Variants in LARP4 observed in about 807,000 individuals in gnomAD.
LARP4 encodes the protein la-related protein 4.
In LARP4, 29 loss-of-function variants were observed where a neutral mutation model predicts 92.9. That is an observed-to-expected ratio of 0.31 (90% CI 0.23 to 0.43). The LOEUF (loss-of-function observed/expected upper bound fraction) is 0.43. Ranked by LOEUF, LARP4 falls within the 20% of genes least tolerant of loss-of-function variation. LARP4 has a pLI of 1.00. For missense variants in LARP4, 732 were observed against 860.0 expected, an observed-to-expected ratio of 0.85 and a Z score of 1.86; for synonymous variants, 279 against 284.1, an observed-to-expected ratio of 0.98 and a Z score of 0.18.
chr12:50,449,995 A>G (rs1314145227), intron 8 of LARP4, among the ~76,000 whole-genome samples: 1 of 123,118 alleles, frequency 8.1e-6, no homozygotes, highest in Non-Finnish European at 1.6e-5. Context: ...GTGCAGTGGC[A>G]CGATCTCAGC....
chr12:50,463,424 A>C (rs1363238207), intron 12 of LARP4, among the ~76,000 whole-genome samples: 2 of 144,860 alleles, frequency 1.4e-5, no homozygotes, highest in Admixed American at 6.9e-5. Flanking sequence ...TCTCTCCAAA[A>C]AAAAAAAAAA....
intron 1 of LARP4, chr12:50,402,747 A>T (rs751269942): frequency 2.2e-6 from 1 of 454,866 alleles, no homozygotes; most frequent in African/African-American, 2.0e-5. Flanking sequence ...TGGGATTTAG[A>T]TCCAGGTCAT....
At chr12:50,442,779 C>T (rs1313438234) in intron 8 of LARP4, among the ~76,000 whole-genome samples, 1 of 152,160 alleles carries the variant, frequency 6.6e-6, no homozygotes, top group Non-Finnish European at 1.5e-5. Context: ...GGTAACCTAC[C>T]TAGTTTCACA....
rs749512004 is a variant in LARP4 at position 50,435,653 on chromosome 12, T to G, written c.535+29T>G. 2.0e-6 allele frequency: 3 copies of G among 1,497,916 alleles called. No individual in the cohort carries two copies. In the South Asian group the frequency reaches 3.7e-5, roughly 18 times the overall value. The allele number at this position is 1,497,916 out of a possible 1,614,324, so 92.8% of individuals were successfully genotyped here. Reference sequence around the variant, plus strand: ...TGTAAAAATACCTTTTAGCTTTTTTTTTAATTTTTAAACGTAAAATGTTAT... The same window carrying G: ...TGTAAAAATACCTTTTAGCTTTTTTGTTAATTTTTAAACGTAAAATGTTAT... On this transcript the variant is annotated intron_variant, in intron 5 of 15. Coordinates refer to ENST00000398473, the MANE Select transcript of LARP4 (RefSeq NM_052879.5).
At chr12:50,449,923 ATTTTTTTTTT>A (rs60763691) in intron 8 of LARP4, among the ~76,000 whole-genome samples, 27 of 47,044 alleles carry the variant, frequency 5.7e-4, no homozygotes, top group African/African-American at 2.1e-3. Flanking sequence ...AGCCATAGCA[ATTTTTTTTTT>A]TTTTTTTTTT....
Position 50,400,968 on chromosome 12 carries a change from G to T in LARP4, c.-43G>T, listed in dbSNP as rs200430924. 5 of 1,614,102 alleles carry T rather than the reference G, an allele frequency of 3.1e-6. No homozygotes were observed. Among genetic ancestry groups the T allele is most frequent in the Non-Finnish European group, 4.2e-6 (5 of 1,179,972 alleles). On this transcript the variant is annotated 5_prime_UTR_variant, in exon 1 of 16. Coordinates refer to ENST00000398473, the MANE Select transcript of LARP4 (RefSeq NM_052879.5). ...TGGGGCGCGGGCCTGTGAGCCAGTT[G>T]GAGTTGCGGCGGCGGGAACGATTGG...
chr12:50,465,718 A>G (rs1254147739), intron 12 of LARP4, among the ~76,000 whole-genome samples: 1 of 152,190 alleles, frequency 6.6e-6, no homozygotes, highest in Non-Finnish European at 1.5e-5. Flanking sequence ...CTGAATGGAC[A>G]TGGGTAATGG....
chr12:50,448,913 T>A (rs1952662968), intron 8 of LARP4, among the ~76,000 whole-genome samples: 1 of 152,184 alleles, frequency 6.6e-6, no homozygotes, highest in Non-Finnish European at 1.5e-5. Context: ...ACCTAGTCAC[T>A]TTTCATATTT....
chr12:50,440,379 C>A (rs556278277), intron 6 of LARP4, 60 bp from the exon 7 acceptor site: 2 of 1,246,986 alleles, frequency 1.6e-6, no homozygotes, highest in Non-Finnish European at 2.3e-6. Context: ...AACAAACCAA[C>A]AAAAAATGCC....
intron 1 of LARP4, among the ~76,000 whole-genome samples, chr12:50,413,504 G>T (rs1267871051): frequency 1.3e-5 from 2 of 151,998 alleles, no homozygotes; most frequent in East Asian, 3.9e-4. Context: ...ATTCAATCTT[G>T]CCTTGTTCAG....
Position 50,467,089 on chromosome 12 carries a change from C to T in LARP4, c.1514C>T (p.Ser505Phe). The change falls in exon 13 of 16, where the codon TCT (serine) becomes TTT (phenylalanine). Residue 505 changes from serine (S) to phenylalanine (F), a missense_variant. Physicochemically the swap from Ser to Phe is radical, Grantham distance 155 (BLOSUM62 -2). Coordinates refer to ENST00000398473, the MANE Select transcript of LARP4 (RefSeq NM_052879.5). Reference sequence around the variant, plus strand: ...GAACTCGTTTTGGAGAATAGGATGTCTGATGTTGTTAAAGGTGTCTACAAA... The same window carrying T: ...GAACTCGTTTTGGAGAATAGGATGTTTGATGTTGTTAAAGGTGTCTACAAA... ...PGELVLENRM[S>F]DVVKGVYKEK... 4.3e-6 allele frequency: 7 copies of T among 1,612,712 alleles called. No individual in the cohort carries two copies. The highest frequency in any genetic ancestry group is 5.9e-6 in the Non-Finnish European group (7 of 1,178,946).
intron 8 of LARP4, among the ~76,000 whole-genome samples, chr12:50,451,879 C>T (rs902641131): frequency 6.6e-6 from 1 of 151,974 alleles, no homozygotes; most frequent in African/African-American, 2.4e-5. Flanking sequence ...TGGTGGGTGC[C>T]TCTAATCCCA....
At chr12:50,454,563 T>C in intron 10 of LARP4, 146 bp downstream of exon 10, 1 of 511,700 alleles carries the variant, frequency 2.0e-6, no homozygotes, top group Non-Finnish European at 3.3e-6. Context: ...ATATGAACAG[T>C]TTAATCTAGA....
chr12:50,472,189 A>G (rs1957006465), intron 13 of LARP4, among the ~76,000 whole-genome samples: 1 of 152,188 alleles, frequency 6.6e-6, no homozygotes, highest in African/African-American at 2.4e-5. Flanking sequence ...AAATACACAT[A>G]ACAGCGTTTA....
At chr12:50,444,515 C>T (rs1331892274) in intron 8 of LARP4, among the ~76,000 whole-genome samples, 1 of 152,090 alleles carries the variant, frequency 6.6e-6, no homozygotes, top group African/African-American at 2.4e-5. Flanking sequence ...TGACCTAACA[C>T]CTGGAAAGAC....
intron 1 of LARP4, among the ~76,000 whole-genome samples, chr12:50,417,120 G>T (rs1374372350): frequency 6.6e-6 from 1 of 151,624 alleles, no homozygotes; most frequent in Non-Finnish European, 1.5e-5. Context: ...TTTGAAAATT[G>T]ATACTTATGC....
intron 10 of LARP4, among the ~76,000 whole-genome samples, chr12:50,458,692 C>G (rs1954791893): frequency 6.6e-6 from 1 of 152,136 alleles, no homozygotes; most frequent in Non-Finnish European, 1.5e-5. Context: ...TCTGTAGATC[C>G]AAGATCCTCA....
rs1063078 is a variant in LARP4 at position 50,473,491 on chromosome 12, A to G, written c.1622A>G (p.Asn541Ser). 10 of 1,613,468 alleles carry G rather than the reference A, an allele frequency of 6.2e-6. No homozygotes were observed. The East Asian group carries it at 8.9e-5, about 14-fold the overall frequency. Reference protein sequence around the residue: ...QTECTSAQQLNMSTSSPCAAE... With the variant: ...QTECTSAQQLSMSTSSPCAAE... ...GAATGCACTTCTGCCCAGCAACTCA[A>G]TATGAGTACCAGTTCTCCATGTGCT... Residue 541 changes from asparagine (N) to serine (S), a missense_variant, in exon 14 of 16, where the codon AAT becomes AGT. This residue lies in a region of LARP4 where 97 missense variants were observed against 85.9 expected (regional missense o/e 1.13). Transcript: ENST00000398473.
intron 1 of LARP4, among the ~76,000 whole-genome samples, chr12:50,409,203 C>T (rs569170291): frequency 6.6e-6 from 1 of 152,000 alleles, no homozygotes; most frequent in East Asian, 1.9e-4. Flanking sequence ...AAAACAATGT[C>T]TAGAAACATG....
Sources: gnomAD v4.1 joint callset for allele counts (sites outside exome capture counted in the v4.1 genomes callset) on GRCh38, gnomAD v4.1.1 for gene constraint, gnomAD v4.1.1 regional missense constraint, MANE v1.5 for transcripts, NCBI Gene and HGNC (gene_info 2026-07-23, HGNC 2026-07-21) for gene names.